The following USH2A variants were observed in gnomAD, a reference collection of about 807,000 sequenced individuals.
USH2A encodes the protein Usher syndrome 2A (autosomal recessive, mild).
A neutral mutation model predicts 538.9 loss-of-function variants in USH2A; 443 were observed. The ratio of observed to expected loss-of-function variants is 0.82; its 90% CI spans 0.76 to 0.89. The LOEUF is 0.89. Ranked by LOEUF, USH2A falls within the 40% of genes least tolerant of loss-of-function variation. USH2A has a pLI of 0.00. For synonymous variants in USH2A, 2,413 were observed against 2,273.5 expected, an observed-to-expected ratio of 1.06 and a Z score of -1.75; for missense variants, 6,633 against 6,324.8, an observed-to-expected ratio of 1.05 and a Z score of -1.65.
rs1177257719 is a variant in USH2A, at chr1:215,674,099, C to T, written c.13811+1G>A. 1 of 1,613,916 alleles carries T rather than the reference C, an allele frequency of 6.2e-7. No individual in the cohort carries two copies. The highest frequency in any genetic ancestry group is 8.5e-7 in the Non-Finnish European group (1 of 1,179,998). On this transcript the variant is annotated splice_donor_variant, in intron 63 of 71. Coordinates refer to ENST00000307340, the MANE Select transcript of USH2A (RefSeq NM_206933.4). LOFTEE classifies it high-confidence loss of function. ...CAGAAAACCGAGACATGGCTACCTA[C>T]CTGTGAAATGGCTTCAGCTGGTTTA...
intron 46 of USH2A, among the ~76,000 whole-genome samples, chr1:215,839,063 T>A (rs976964104): frequency 1.3e-5 from 2 of 152,156 alleles, no homozygotes; most frequent in Non-Finnish European, 2.9e-5. Context: ...GGTACCTAAA[T>A]GTTAGTTGAG....
intron 21 of USH2A, among the ~76,000 whole-genome samples, chr1:216,105,347 G>A (rs1558261092): frequency 2.2e-5 from 3 of 138,224 alleles, no homozygotes; most frequent in South Asian, 2.7e-4. Context: ...GTGAGATAGG[G>A]GTCAAGCTTT....
intron 50 of USH2A, among the ~76,000 whole-genome samples, chr1:215,795,999 G>GA (rs67177831): frequency 0.45 from 68,094 of 151,882 alleles, 15,404 homozygotes; most frequent in African/African-American, 0.49. Flanking sequence ...ACATATTTAT[G>GA]AAAATAAATG....
At chr1:215,846,517 T>C (rs1663851005) in intron 44 of USH2A, among the ~76,000 whole-genome samples, 1 of 152,180 alleles carries the variant, frequency 6.6e-6, no homozygotes, top group South Asian at 2.1e-4. Flanking sequence ...CCTGGTCAGT[T>C]TTTATTTTTT....
At chr1:216,403,818 C>T (rs373185164) in intron 3 of USH2A, among the ~76,000 whole-genome samples, 8 of 152,168 alleles carry the variant, frequency 5.3e-5, no homozygotes, top group South Asian at 4.2e-4. Context: ...AGGCACCTGG[C>T]GGGAGGTGAT....
At chr1:216,392,332 A>G (rs909319861) in intron 3 of USH2A, among the ~76,000 whole-genome samples, 3 of 151,908 alleles carry the variant, frequency 2.0e-5, no homozygotes, top group African/African-American at 4.8e-5. Flanking sequence ...CCCTGTCTCT[A>G]CTAAAAATAC....
chr1:216,391,133 A>T (rs2039099670), intron 3 of USH2A, among the ~76,000 whole-genome samples: 1 of 152,190 alleles, frequency 6.6e-6, no homozygotes, highest in South Asian at 2.1e-4. Flanking sequence ...TATCTGTCAA[A>T]TGTAATCTGT....
At chr1:216,235,829 A>C (rs968795334) in intron 13 of USH2A, among the ~76,000 whole-genome samples, 3 of 152,146 alleles carry the variant, frequency 2.0e-5, no homozygotes, top group Admixed American at 6.5e-5. Flanking sequence ...ATTTAGAAGA[A>C]ACTACTCTCA....
At chr1:215,684,493 T>C (rs1658343983) in intron 61 of USH2A, among the ~76,000 whole-genome samples, 1 of 152,214 alleles carries the variant, frequency 6.6e-6, no homozygotes, top group African/African-American at 2.4e-5. Flanking sequence ...TTTGAGTCTA[T>C]TGATCTGATG....
intron 26 of USH2A, among the ~76,000 whole-genome samples, chr1:216,082,479 A>G (rs79568972): frequency 6.6e-6 from 1 of 151,054 alleles, no homozygotes; most frequent in Non-Finnish European, 1.5e-5. Flanking sequence ...AAAAAAAAAA[A>G]GATGAACGTA....
At chr1:215,632,930 G>C (rs899471498) in intron 70 of USH2A, among the ~76,000 whole-genome samples, 11 of 152,100 alleles carry the variant, frequency 7.2e-5, no homozygotes, top group African/African-American at 2.7e-4. Flanking sequence ...ACAAACATTC[G>C]TGGAGTGCCT....
chr1:215,950,757 G>A (rs1194642760), intron 37 of USH2A, among the ~76,000 whole-genome samples: 14 of 151,734 alleles, frequency 9.2e-5, no homozygotes, highest in African/African-American at 2.9e-4. Context: ...TGATCCACCC[G>A]CCTCAGCCTC....
At chr1:216,066,204 C>T (rs968627959) in intron 30 of USH2A, among the ~76,000 whole-genome samples, 3 of 151,954 alleles carry the variant, frequency 2.0e-5, no homozygotes, top group Non-Finnish European at 4.4e-5. Context: ...GGCACTGTGG[C>T]TCACGCCTGT....
intron 68 of USH2A, among the ~76,000 whole-genome samples, chr1:215,639,719 T>C (rs1656614188): frequency 6.6e-6 from 1 of 152,210 alleles, no homozygotes; most frequent in South Asian, 2.1e-4. Flanking sequence ...GTTATAGGCC[T>C]GGCCAGGTAG....
In USH2A at chr1:216,089,014, T is replaced by A; in HGVS notation, c.4884A>T (p.Thr1628=). 6.2e-7 allele frequency: 1 copy of A among 1,613,360 alleles called. No homozygotes were observed. The highest frequency in any genetic ancestry group is 8.5e-7 in the Non-Finnish European group (1 of 1,179,494). ...FGQITLDGIY[T]GSSAILNGST... ...TTATACATATCAAAAAGTACTTACCTGTATATATCCCATCCAGAGTGATTT... is the reference window on the plus strand; with the variant it reads ...TTATACATATCAAAAAGTACTTACCAGTATATATCCCATCCAGAGTGATTT... Residue 1628 remains threonine, a splice_region_variant and synonymous_variant, in exon 23 of 72, where the codon ACA becomes ACT. Coordinates refer to ENST00000307340, the MANE Select transcript of USH2A (RefSeq NM_206933.4).
chr1:215,959,900 C>G (rs752915429), intron 37 of USH2A, among the ~76,000 whole-genome samples: 7 of 152,084 alleles, frequency 4.6e-5, no homozygotes, highest in Non-Finnish European at 8.8e-5. Flanking sequence ...ATGAAGATCA[C>G]GTCCCAATTC....
At chr1:216,204,039 T>TA (rs1572048036) in intron 16 of USH2A, 1 of 163,062 alleles carries the variant, frequency 6.1e-6, no homozygotes, top group East Asian at 1.9e-4. Context: ...GGAAAAAGGA[T>TA]ATAGTCTCTA....
intron 3 of USH2A, among the ~76,000 whole-genome samples, chr1:216,392,876 G>A (rs2102748857): frequency 6.6e-6 from 1 of 152,164 alleles, no homozygotes; most frequent in South Asian, 2.1e-4. Context: ...TAAAACATCT[G>A]ATTTTATTCA....
intron 37 of USH2A, among the ~76,000 whole-genome samples, chr1:215,954,259 G>A (rs1667003735): frequency 6.6e-6 from 1 of 152,036 alleles, no homozygotes; most frequent in Non-Finnish European, 1.5e-5. Context: ...AAAGACACAT[G>A]CACACGTATG....
Sources: gnomAD v4.1 joint callset for allele counts (sites outside exome capture counted in the v4.1 genomes callset) on GRCh38, gnomAD v4.1.1 for gene constraint, MANE v1.5 for transcripts, NCBI Gene and HGNC (gene_info 2026-07-23, HGNC 2026-07-21) for gene names.